PPP2R2C: variants seen among roughly 807,000 people sequenced by gnomAD.
PPP2R2C encodes protein phosphatase 2 regulatory subunit Bgamma.
A neutral mutation model predicts 45.3 loss-of-function variants in PPP2R2C; 10 were observed. That is an observed-to-expected ratio of 0.22 (90% CI 0.14 to 0.37). The LOEUF (loss-of-function observed/expected upper bound fraction) is 0.37, where lower values mean the gene tolerates loss of function less well. PPP2R2C is among the 10% of genes least tolerant of loss of function. The pLI is 1.00. For missense variants in PPP2R2C, 308 were observed against 619.7 expected, an observed-to-expected ratio of 0.50 and a Z score of 5.34; for synonymous variants, 257 against 245.4, an observed-to-expected ratio of 1.05 and a Z score of -0.44.
At chr4:6,453,150 C>T (rs1720829004) in intron 1 of PPP2R2C, among the ~76,000 whole-genome samples, 1 of 152,158 alleles carries the variant, frequency 6.6e-6, no homozygotes, top group African/African-American at 2.4e-5. Flanking sequence ...TCATCTCCAT[C>T]CACCCTTGAA....
intron 1 of PPP2R2C, among the ~76,000 whole-genome samples, chr4:6,396,609 C>A (rs765809508): frequency 2.0e-5 from 3 of 152,250 alleles, no homozygotes; most frequent in Non-Finnish European, 4.4e-5. Flanking sequence ...GTATCACACT[C>A]AAAACTATTC....
chr4:6,389,329 C>A (rs902880133), intron 1 of PPP2R2C, among the ~76,000 whole-genome samples: 1 of 152,222 alleles, frequency 6.6e-6, no homozygotes. Context: ...TCGTCCATCA[C>A]CATAAGTGCT....
intron 2 of PPP2R2C, among the ~76,000 whole-genome samples, chr4:6,477,875 T>G (rs1722218418): frequency 1.3e-5 from 2 of 151,490 alleles, no homozygotes; most frequent in Non-Finnish European, 2.9e-5. Flanking sequence ...CACACAGAGC[T>G]CTCCAGCCCT....
intron 5 of PPP2R2C, among the ~76,000 whole-genome samples, chr4:6,358,764 T>C (rs1434576724): frequency 6.6e-6 from 1 of 152,172 alleles, no homozygotes; most frequent in Non-Finnish European, 1.5e-5. Flanking sequence ...TCACTGGTCA[T>C]CAGAGAAATG....
At chr4:6,528,610 C>G (rs758604707) in intron 2 of PPP2R2C, among the ~76,000 whole-genome samples, 1 of 152,250 alleles carries the variant, frequency 6.6e-6, no homozygotes, top group Non-Finnish European at 1.5e-5. Context: ...TCCTTACTGT[C>G]AGGCCTCTGA....
chr4:6,431,383 G>A (rs1397537289), intron 1 of PPP2R2C, among the ~76,000 whole-genome samples: 2 of 152,202 alleles, frequency 1.3e-5, no homozygotes, highest in Admixed American at 1.3e-4. Context: ...CCTGCTCCCA[G>A]GACAAAATCA....
chr4:6,360,148 C>T (rs1314806894), intron 5 of PPP2R2C, among the ~76,000 whole-genome samples: 1 of 152,356 alleles, frequency 6.6e-6, no homozygotes, highest in East Asian at 1.9e-4. Flanking sequence ...ATGTGCCAAC[C>T]CCACCCAGGA....
At chr4:6,374,133 T>G (rs1390538806) in intron 4 of PPP2R2C, among the ~76,000 whole-genome samples, 1 of 152,180 alleles carries the variant, frequency 6.6e-6, no homozygotes, top group Non-Finnish European at 1.5e-5. Context: ...CTGCCCACCC[T>G]GGGGATCCCT....
Position 6,454,074 on chromosome 4 carries a change from G to A in PPP2R2C, c.70+18086C>T, listed in dbSNP as rs374092248. Among the ~76,000 whole-genome samples the A allele has an allele frequency of 9.2e-5, 14 of 152,342 alleles. No individual in the cohort carries two copies. The South Asian group carries it at 1.5e-3, about 16-fold the overall frequency. On this transcript the variant is annotated intron_variant, in intron 1 of 8. Transcript: ENST00000382599. ...GCATTTTTTAACAGGAAAATGGCAT[G>A]GAGAGAGGGACCCGTTCTTCCTGTG... is the stretch of plus-strand genomic sequence containing the variant.
intron 5 of PPP2R2C, among the ~76,000 whole-genome samples, chr4:6,352,280 T>A (rs55733513): frequency 0.017 from 2,576 of 152,090 alleles, 25 homozygotes; most frequent in Non-Finnish European, 0.02. Flanking sequence ...TGGAACATCA[T>A]TTCCATTCTG....
intron 5 of PPP2R2C, among the ~76,000 whole-genome samples, chr4:6,357,042 G>C (rs1267526277): frequency 6.8e-6 from 1 of 147,762 alleles, no homozygotes; most frequent in South Asian, 2.2e-4. Flanking sequence ...CTGCAGTCAT[G>C]GGCATGAGAC....
chr4:6,355,844 A>AT (rs397992180), intron 5 of PPP2R2C, among the ~76,000 whole-genome samples: 19 of 151,018 alleles, frequency 1.3e-4, no homozygotes, highest in Middle Eastern at 6.8e-3. Context: ...TACAAAAAAA[A>AT]TTAGCTGGGC....
rs536795027 is a variant in PPP2R2C at position 6,326,888 on chromosome 4, G to C, written c.1052+2374C>G. On this transcript the variant is annotated intron_variant, in intron 8 of 8. Transcript: ENST00000382599. Reference sequence around the variant, plus strand: ...TCTGCGGGCCGGACCAACTGTCAGAGGGGGTCACCAGGAATAAGAGGGCAG... The same window carrying C: ...TCTGCGGGCCGGACCAACTGTCAGACGGGGTCACCAGGAATAAGAGGGCAG... Among the ~76,000 whole-genome samples the C allele has an allele frequency of 3.3e-5, 5 of 152,344 alleles. No homozygotes were observed. The South Asian group carries it at 6.2e-4, about 19-fold the overall frequency.
chr4:6,476,021 C>A (rs555185500), upstream of PPP2R2C, among the ~76,000 whole-genome samples: 125 of 152,318 alleles, frequency 8.2e-4, no homozygotes, highest in African/African-American at 2.8e-3. Flanking sequence ...TGGCCGCCTG[C>A]AAACCAGGAA....
intron 2 of PPP2R2C, among the ~76,000 whole-genome samples, chr4:6,516,625 T>C (rs904347601): frequency 6.6e-5 from 10 of 152,176 alleles, no homozygotes; most frequent in African/African-American, 2.2e-4. Context: ...TCTATAAAAT[T>C]CTGGAGGAAT....
intron 5 of PPP2R2C, among the ~76,000 whole-genome samples, chr4:6,372,097 C>T (rs1352763546): frequency 1.3e-5 from 2 of 152,332 alleles, no homozygotes; most frequent in South Asian, 2.1e-4. Context: ...AAGCCCTGGC[C>T]GGGGCCCCAG....
intron 1 of PPP2R2C, among the ~76,000 whole-genome samples, chr4:6,433,205 G>C (rs563018992): frequency 6.6e-6 from 1 of 152,108 alleles, no homozygotes; most frequent in Non-Finnish European, 1.5e-5. Flanking sequence ...CCCCAACCCC[G>C]TGTTGTTCGA....
rs757972046 is a variant in PPP2R2C at position 6,345,345 on chromosome 4, C to T, written c.790+2501G>A. On this transcript the variant is annotated intron_variant, in intron 6 of 8. Coordinates refer to ENST00000382599, the MANE Select transcript of PPP2R2C (RefSeq NM_020416.4). This position sits in a 1 kb window ranked among gnomAD's most constrained non-coding sequence, Gnocchi z 5.3. ...CAGTGTCCTGTAGTAGGCGGTGGAA[C>T]GGCCCCCAGAGACGGCTGCGTCCTG... Among the ~76,000 whole-genome samples, 81 of 152,276 alleles carry T rather than the reference C, an allele frequency of 5.3e-4. No individual in the cohort carries two copies. Among genetic ancestry groups the T allele is most frequent in the Middle Eastern group, 3.4e-3 (1 of 294 alleles).
chr4:6,547,749 G>A (rs1204228110), intron 1 of PPP2R2C, among the ~76,000 whole-genome samples: 3 of 152,016 alleles, frequency 2.0e-5, no homozygotes, highest in African/African-American at 4.8e-5. Flanking sequence ...TGAAACAACC[G>A]GACATCCATA....
Sources: allele counts gnomAD v4.1 joint callset (sites outside exome capture counted in the v4.1 genomes callset), GRCh38; gene constraint gnomAD v4.1.1; non-coding constraint Gnocchi (gnomAD v3.1); transcripts MANE v1.5; gene names NCBI Gene and HGNC (gene_info 2026-07-23, HGNC 2026-07-21).